Variants in USP32 observed in about 807,000 individuals in gnomAD.
USP32 encodes ubiquitin carboxyl-terminal hydrolase 32.
USP32 carries 59 observed loss-of-function variants against 204.8 expected under a neutral mutation model. That is an observed-to-expected ratio of 0.29 (90% CI 0.23 to 0.36). The LOEUF is 0.36. USP32 is among the 10% of genes least tolerant of loss of function. The pLI is 1.00. For synonymous variants in USP32, 517 were observed against 678.4 expected (o/e 0.76, Z 3.70); for missense variants, 1,160 against 1,946.4 (o/e 0.60, Z 7.60).
At chr17:60,311,661 A>C (rs959097165) in intron 2 of USP32, among the ~76,000 whole-genome samples, 3 of 152,148 alleles carry the variant, frequency 2.0e-5, no homozygotes, top group Admixed American at 2.0e-4. Flanking sequence ...TGTCTCTACT[A>C]AAAATACAAA....
At chr17:60,382,645 A>T (rs2146117791) in intron 1 of USP32, among the ~76,000 whole-genome samples, 1 of 152,356 alleles carries the variant, frequency 6.6e-6, no homozygotes, top group Non-Finnish European at 1.5e-5. Flanking sequence ...CTGTGTGTTG[A>T]ATTTTATATA....
chr17:60,205,153 T>G (rs1403067531), intron 26 of USP32, among the ~76,000 whole-genome samples: 1 of 152,188 alleles, frequency 6.6e-6, no homozygotes, highest in Non-Finnish European at 1.5e-5. Context: ...TGTTGCCTCT[T>G]AATATACGGA....
chr17:60,265,502 A>T, intron 8 of USP32, 28 bp from the exon 9 acceptor site: 1 of 1,401,832 alleles, frequency 7.1e-7, no homozygotes. Flanking sequence ...AGGAGTAATT[A>T]GAAAACAGTG....
At chr17:60,420,613 G>A (rs1396236835) in intron 1 of USP32, among the ~76,000 whole-genome samples, 1 of 152,196 alleles carries the variant, frequency 6.6e-6, no homozygotes, top group Non-Finnish European at 1.5e-5. Context: ...GTTGCAGTGA[G>A]CCGAGATCAC....
At chr17:60,185,836 G>C (rs2084236775) in intron 29 of USP32, 185 bp from the exon 30 acceptor site, 1 of 611,760 alleles carries the variant, frequency 1.6e-6, no homozygotes, top group Admixed American at 3.1e-5. Context: ...CCGAGGTGGG[G>C]TAATTGCTTG....
At chr17:60,212,796 C>T (rs1281392340) in intron 18 of USP32, among the ~76,000 whole-genome samples, 1 of 152,014 alleles carries the variant, frequency 6.6e-6, no homozygotes, top group Non-Finnish European at 1.5e-5. Flanking sequence ...TTTGTCCCCC[C>T]AGGTTGGAGT....
chr17:60,245,032 G>GCT (rs1325148036), intron 11 of USP32, among the ~76,000 whole-genome samples: 1 of 152,146 alleles, frequency 6.6e-6, no homozygotes, highest in Non-Finnish European at 1.5e-5. Flanking sequence ...CTCAAATATA[G>GCT]CTCCCCTTCT....
chr17:60,258,722 T>C (rs932102718), intron 9 of USP32, among the ~76,000 whole-genome samples: 2 of 152,216 alleles, frequency 1.3e-5, no homozygotes, highest in Non-Finnish European at 2.9e-5. Context: ...GCAGTTTGAA[T>C]GTTTACAGGA....
At position 60,214,602 on chromosome 17, in the gene USP32, C is replaced by T. The variant is rs1392721941; in HGVS notation, c.2022+18G>A. ...ATACCAACAATCAGACTCTCTATGA[C>T]TCTGAGATGCCTCTTACCTCACTGT... On this transcript the variant is annotated intron_variant, in intron 17 of 33. Transcript: ENST00000300896. 1.9e-6 allele frequency: 3 copies of T among 1,611,380 alleles called. No individual in the cohort carries two copies. The highest frequency in any genetic ancestry group is 2.5e-6 in the Non-Finnish European group (3 of 1,178,324).
At position 60,256,660 on chromosome 17, in the gene USP32, T is replaced by C. The variant is rs1271975593; in HGVS notation, c.991-1402A>G. On this transcript the variant is annotated intron_variant, in intron 9 of 33. Transcript: ENST00000300896. ...TAGGTTAACAGGAGTGTCTAAATTG[T>C]CCCACTGTAGTGTGGTATCTGTTGC... 2.8e-6 allele frequency: 3 copies of C among 1,052,688 alleles called. No homozygotes were observed. In the East Asian group the frequency reaches 2.5e-4, roughly 88 times the overall value. The allele number at this position is 1,052,688 out of a possible 1,614,324, so 65.2% of individuals were successfully genotyped here. A position where few individuals can be genotyped will look rare whatever the true frequency, so the allele number is the denominator to read the frequency against.
intron 1 of USP32, among the ~76,000 whole-genome samples, chr17:60,412,866 A>G (rs1265458134): frequency 1.3e-5 from 2 of 152,198 alleles, no homozygotes; most frequent in Non-Finnish European, 2.9e-5. Flanking sequence ...ACCTTCCAGA[A>G]AGAGCCAAGA....
chr17:60,404,461 C>T (rs2089960230), intron 1 of USP32, among the ~76,000 whole-genome samples: 1 of 151,878 alleles, frequency 6.6e-6, no homozygotes, highest in African/African-American at 2.4e-5. Flanking sequence ...ATTTTTATAC[C>T]AAACCTTTAG....
In USP32 at chr17:60,294,864, T is replaced by C. The variant is rs1386675350; in HGVS notation, c.293-63A>G. 6.6e-5 allele frequency: 72 copies of C among 1,083,622 alleles called. No homozygotes were observed. In the East Asian group the frequency reaches 1.6e-3, roughly 24 times the overall value. 67.1% of individuals were successfully genotyped at this position (1,083,622 alleles called of 1,614,324 possible). ...AAGACCAAATATACGTTGGTGGAAG[T>C]AGGGAGAAAAGACAAAGCTACAATA... On this transcript the variant is annotated intron_variant, in intron 3 of 33. Coordinates refer to ENST00000300896, the MANE Select transcript of USP32 (RefSeq NM_032582.4).
chr17:60,236,286 A>T, intron 11 of USP32, 46 bp from the exon 12 acceptor site: 3 of 1,497,434 alleles, frequency 2.0e-6, no homozygotes, highest in Non-Finnish European at 2.8e-6. Context: ...AGTGTGAAAT[A>T]GGTGGCAACG....
intron 5 of USP32, among the ~76,000 whole-genome samples, chr17:60,282,610 C>G (rs1247760827): frequency 6.6e-6 from 1 of 152,160 alleles, no homozygotes; most frequent in East Asian, 1.9e-4. Flanking sequence ...TCTCGGCCTC[C>G]CAAAGTGCTG....
chr17:60,365,016 T>C (rs1472868352), intron 1 of USP32, among the ~76,000 whole-genome samples: 2 of 152,222 alleles, frequency 1.3e-5, no homozygotes, highest in African/African-American at 4.8e-5. Context: ...AAACCCATAA[T>C]ACTCAAGTTG....
At chr17:60,342,853 G>A (rs1376502812) in intron 2 of USP32, among the ~76,000 whole-genome samples, 1 of 152,206 alleles carries the variant, frequency 6.6e-6, no homozygotes, top group Non-Finnish European at 1.5e-5. Flanking sequence ...GCTAGGAAAG[G>A]GAAATCCCCT....
intron 1 of USP32, among the ~76,000 whole-genome samples, chr17:60,398,084 G>A (rs2089911369): frequency 6.6e-6 from 1 of 152,154 alleles, no homozygotes; most frequent in Non-Finnish European, 1.5e-5. Flanking sequence ...GTTTTGGCAG[G>A]CCAGGCAGGG....
Position 60,285,713 on chromosome 17 carries a change from T to G in USP32, c.571+2810A>C, listed in dbSNP as rs192080699. The stretch of plus-strand genomic sequence containing the variant: ...TATCAGAGTTCAGAGGAATGAGAGA[T>G]AATTTCTGATAAGAAGGCAAGAAAA... On this transcript the variant is annotated intron_variant, in intron 5 of 33. Transcript: ENST00000300896. Among the ~76,000 whole-genome samples the G allele has an allele frequency of 1.3e-3, 204 of 152,292 alleles. 1 individual carries two copies. The highest frequency in any genetic ancestry group is 4.5e-3 in the African/African-American group (188 of 41,556).
Sources: allele counts gnomAD v4.1 joint callset (sites outside exome capture counted in the v4.1 genomes callset), GRCh38; gene constraint gnomAD v4.1.1; transcripts MANE v1.5; gene names NCBI Gene and HGNC (gene_info 2026-07-23, HGNC 2026-07-21).